The following DBNL variants were observed in gnomAD, a reference collection of about 807,000 sequenced individuals.
The protein encoded by DBNL is drebrin like.
A neutral mutation model predicts 62.2 loss-of-function variants in DBNL; 35 were observed. The observed-to-expected ratio is 0.56, with a 90% CI of 0.43 to 0.75. DBNL has a LOEUF of 0.75. Ranked by LOEUF, DBNL falls within the 30% of genes least tolerant of loss-of-function variation. The probability of loss-of-function intolerance (pLI) is 0.00; values close to 1 mark genes in which losing one functional copy is unlikely to be tolerated. For missense variants in DBNL, 495 were observed against 578.4 expected (o/e 0.86, Z 1.48); for synonymous variants, 197 against 218.0 (o/e 0.90, Z 0.85).
At chr7:44,054,283 C>G (rs1424925507) in intron 4 of DBNL, among the ~76,000 whole-genome samples, 8 of 152,128 alleles carry the variant, frequency 5.3e-5, no homozygotes, top group Admixed American at 3.3e-4. Context: ...ACCTCTGCCT[C>G]CCAGGTTCAA....
intron 5 of DBNL, 34 bp from the exon 6 acceptor site, chr7:44,057,748 G>T (rs1467428001): frequency 3.1e-6 from 5 of 1,612,882 alleles, no homozygotes; most frequent in East Asian, 2.2e-5. Flanking sequence ...CTTCCACCTG[G>T]GTCCAGGTCT....
At chr7:44,044,842 G>C in intron 1 of DBNL, 22 bp downstream of exon 1, 22 of 1,450,168 alleles carry the variant, frequency 1.5e-5, no homozygotes, top group Non-Finnish European at 1.9e-5. Context: ...GACGGGCCAG[G>C]GTCGGGCCAG....
rs1378518506 is a variant in DBNL at position 44,061,793 on chromosome 7, A to C, written c.*877A>C. On this transcript the variant is annotated 3_prime_UTR_variant, in exon 13 of 13. Coordinates refer to ENST00000448521, the MANE Select transcript of DBNL (RefSeq NM_001014436.3). ...CTGAATGCTCCCATGTGGGAATAGC[A>C]CCCCACCACCTGCCCAGTGTCTGCC... The C allele has an allele frequency of 6.6e-6, 1 of 152,268 alleles. No individual in the cohort carries two copies. Among genetic ancestry groups the C allele is most frequent in the East Asian group, 1.9e-4 (1 of 5,190 alleles). 9.4% of individuals were successfully genotyped at this position (152,268 alleles called of 1,614,324 possible).
chr7:44,056,957 G>A (rs2096137575), intron 5 of DBNL, 54 bp downstream of exon 5: 1 of 1,608,614 alleles, frequency 6.2e-7, no homozygotes, highest in Non-Finnish European at 8.5e-7. Context: ...CCTGAGGCAG[G>A]GGGCCAGGAA....
rs1562662725 is a variant in DBNL, at chr7:44,068,441, G to A, written c.*7525G>A. On this transcript the variant is annotated 3_prime_UTR_variant, in exon 13 of 13. Coordinates refer to ENST00000448521, the MANE Select transcript of DBNL (RefSeq NM_001014436.3). ...TGCAGGTCCCAGACTGACCGGTGTA[G>A]ATACAGGACTAATATGACTAGTAGT... The A allele has an allele frequency of 6.6e-6, 1 of 152,234 alleles. No individual in the cohort carries two copies. Among genetic ancestry groups the A allele is most frequent in the Non-Finnish European group, 1.5e-5 (1 of 68,046 alleles). 9.4% of individuals were successfully genotyped at this position (152,234 alleles called of 1,614,324 possible).
chr7:44,063,438 C>A lies in DBNL; in HGVS notation c.*2522C>A, dbSNP rs2128795729. 1.1e-5 allele frequency: 2 copies of A among 188,412 alleles called. No individual in the cohort carries two copies. The highest frequency in any genetic ancestry group is 1.9e-4 in the South Asian group (2 of 10,488). The allele number at this position is 188,412 out of a possible 1,614,324, so 11.7% of individuals were successfully genotyped here. On this transcript the variant is annotated 3_prime_UTR_variant, in exon 13 of 13. Coordinates refer to ENST00000448521, the MANE Select transcript of DBNL (RefSeq NM_001014436.3). ...CTGGGATTACAGGTGAGCGCCACCACACCCGGCTAATTTTGTATTTTTAGT... is the reference window on the plus strand; with the variant it reads ...CTGGGATTACAGGTGAGCGCCACCAAACCCGGCTAATTTTGTATTTTTAGT...
rs997229726 is a variant in DBNL, at chr7:44,064,939, G to A, written c.*4023G>A. 2 of 1,609,956 alleles carry A rather than the reference G, an allele frequency of 1.2e-6. No individual in the cohort carries two copies. Among genetic ancestry groups the A allele is most frequent in the Admixed American group, 1.7e-5 (1 of 59,884 alleles). On this transcript the variant is annotated 3_prime_UTR_variant, in exon 13 of 13. Coordinates refer to ENST00000448521, the MANE Select transcript of DBNL (RefSeq NM_001014436.3). ...AATCTCCTCGTTCCAGAAGGGCAGG[G>A]CCCGGGCAATGGTGTCCTTGAGGCT... is the stretch of plus-strand genomic sequence containing the variant.
intron 1 of DBNL, among the ~76,000 whole-genome samples, chr7:44,045,485 A>G (rs1036459878): frequency 6.6e-6 from 1 of 152,230 alleles, no homozygotes; most frequent in African/African-American, 2.4e-5. Context: ...TTTTCCCTCT[A>G]CCACCCAAGA....
In DBNL at chr7:44,067,939, C is replaced by G. The variant is rs1476873750; in HGVS notation, c.*7023C>G. The G allele has an allele frequency of 6.6e-6, 1 of 152,232 alleles. No homozygotes were observed. The highest frequency in any genetic ancestry group is 1.9e-4 in the East Asian group (1 of 5,200). 9.4% of individuals were successfully genotyped at this position (152,232 alleles called of 1,614,324 possible). Reference sequence around the variant, plus strand: ...ACCTCAAGTGCACCAACAGAAAGAGCTCCAGGAAGAATCAGAGGAGTGGGA... The same window carrying G: ...ACCTCAAGTGCACCAACAGAAAGAGGTCCAGGAAGAATCAGAGGAGTGGGA... On this transcript the variant is annotated 3_prime_UTR_variant, in exon 13 of 13. Coordinates refer to ENST00000448521, the MANE Select transcript of DBNL (RefSeq NM_001014436.3).
intron 4 of DBNL, among the ~76,000 whole-genome samples, chr7:44,053,763 G>A (rs2096130617): frequency 6.6e-6 from 1 of 150,438 alleles, no homozygotes; most frequent in South Asian, 2.1e-4. Flanking sequence ...TGCAAGCTCC[G>A]CCTCCCGGGT....
chr7:44,059,677 G>C lies in DBNL; in HGVS notation c.1047+19G>C. ...CCCACTGGTGGGTTCCTACACTGGG[G>C]CTGGGGCCAGGAAGGGGCTGCATAC... On this transcript the variant is annotated intron_variant, in intron 11 of 12. Coordinates refer to ENST00000448521, the MANE Select transcript of DBNL (RefSeq NM_001014436.3). This position sits in a 1 kb window ranked among gnomAD's most constrained non-coding sequence, Gnocchi z 4.1. 1 of 1,581,204 alleles carries C rather than the reference G, an allele frequency of 6.3e-7. No homozygotes were observed. Among genetic ancestry groups the C allele is most frequent in the Non-Finnish European group, 8.6e-7 (1 of 1,169,420 alleles).
In DBNL at chr7:44,050,263, G is replaced by A. The variant is rs759801390; in HGVS notation, c.122G>A (p.Arg41His). 2.9e-5 allele frequency: 47 copies of A among 1,613,578 alleles called. No individual in the cohort carries two copies. The highest frequency in any genetic ancestry group is 3.8e-5 in the Non-Finnish European group (45 of 1,179,718). ...TATGAAGGCAACAGCAATGACATCC[G>A]CGTGGCTGGCACAGGGGGTGAGTAT... Reference protein sequence around the residue: ...FTYEGNSNDIRVAGTGEGGLE... With the variant: ...FTYEGNSNDIHVAGTGEGGLE... The change falls in exon 2 of 13, where the codon CGC becomes CAC. Residue 41 changes from arginine to histidine, a missense_variant. Transcript: ENST00000448521.
In DBNL at chr7:44,065,217, C is replaced by T. The variant is rs368364851; in HGVS notation, c.*4301C>T. On this transcript the variant is annotated 3_prime_UTR_variant, in exon 13 of 13. Coordinates refer to ENST00000448521, the MANE Select transcript of DBNL (RefSeq NM_001014436.3). The stretch of plus-strand genomic sequence containing the variant: ...TTCACCTGCTCCTCCCCGTGCTTGG[C>T]GGCCGTTTCTGCCTTGTTGAGGCCT... The T allele has an allele frequency of 8.1e-6, 13 of 1,613,828 alleles. No homozygotes were observed. Among genetic ancestry groups the T allele is most frequent in the East Asian group, 4.5e-5 (2 of 44,888 alleles).
In DBNL at chr7:44,060,630, C is replaced by G; in HGVS notation, c.1154-147C>G. On this transcript the variant is annotated intron_variant, in intron 12 of 12. Coordinates refer to ENST00000448521, the MANE Select transcript of DBNL (RefSeq NM_001014436.3). This position sits in a 1 kb window ranked among gnomAD's most constrained non-coding sequence, Gnocchi z 6.3. Reference sequence around the variant, plus strand: ...GGACAGGGTGCAGTGTTGGCCAAGGCTTAGCAGGGTGGCAGGGATATTTCT... The same window carrying G: ...GGACAGGGTGCAGTGTTGGCCAAGGGTTAGCAGGGTGGCAGGGATATTTCT... 1 of 1,226,916 alleles carries G rather than the reference C, an allele frequency of 8.2e-7. No homozygotes were observed. The highest frequency in any genetic ancestry group is 1.5e-5 in the African/African-American group (1 of 66,690). The allele number at this position is 1,226,916 out of a possible 1,614,324, so 76.0% of individuals were successfully genotyped here.
Position 44,062,592 on chromosome 7 carries a change from G to C in DBNL, c.*1676G>C, listed in dbSNP as rs1378965816. The C allele has an allele frequency of 4.1e-5, 27 of 662,762 alleles. No homozygotes were observed. The East Asian group carries it at 7.4e-4, about 18-fold the overall frequency. 41.1% of individuals were successfully genotyped at this position (662,762 alleles called of 1,614,324 possible). A position where few individuals can be genotyped will look rare whatever the true frequency, so the allele number is the denominator to read the frequency against. ...TGGCTCAGTGTCCTGATGACTAGGT[G>C]TGGGTACTAGGCTCCTGCCCCTGGT... is the stretch of plus-strand genomic sequence containing the variant. On this transcript the variant is annotated 3_prime_UTR_variant, in exon 13 of 13. Coordinates refer to ENST00000448521, the MANE Select transcript of DBNL (RefSeq NM_001014436.3).
rs1210472340 is a variant in DBNL, at chr7:44,067,839, G to A, written c.*6923G>A. On this transcript the variant is annotated 3_prime_UTR_variant, in exon 13 of 13. Transcript: ENST00000448521. ...TGTCAGTAGACAGATAAGAAAAGGA[G>A]ATCAGATTCAAAGTTCCGCAGAGAA... The A allele has an allele frequency of 6.6e-6, 1 of 152,240 alleles. No homozygotes were observed. The highest frequency in any genetic ancestry group is 1.5e-5 in the Non-Finnish European group (1 of 68,078). The allele number at this position is 152,240 out of a possible 1,614,324, so 9.4% of individuals were successfully genotyped here.
At chr7:44,057,058 C>G (rs1336840741) in intron 5 of DBNL, among the ~76,000 whole-genome samples, 155 bp downstream of exon 5, 1 of 152,234 alleles carries the variant, frequency 6.6e-6, no homozygotes, top group Non-Finnish European at 1.5e-5. Context: ...TGCCCACTGA[C>G]CAGATGAGCA....
chr7:44,068,384 A>G lies in DBNL; in HGVS notation c.*7468A>G, dbSNP rs538350226. 1 of 152,396 alleles carries G rather than the reference A, an allele frequency of 6.6e-6. No homozygotes were observed. The highest frequency in any genetic ancestry group is 2.4e-5 in the African/African-American group (1 of 41,584). The allele number at this position is 152,396 out of a possible 1,614,324, so 9.4% of individuals were successfully genotyped here. ...ATGTGAAGTCATTGGCTTGCTGCCA[A>G]GCTGCGCACAGGGCTGACCCTAGAT... On this transcript the variant is annotated 3_prime_UTR_variant, in exon 13 of 13. Coordinates refer to ENST00000448521, the MANE Select transcript of DBNL (RefSeq NM_001014436.3).
At chr7:44,053,435 G>A (rs2128791581) in intron 4 of DBNL, among the ~76,000 whole-genome samples, 1 of 152,230 alleles carries the variant, frequency 6.6e-6, no homozygotes, top group Middle Eastern at 3.4e-3. Flanking sequence ...CACTTGTCAG[G>A]TAACTTTTTG....
Sources: allele counts gnomAD v4.1 joint callset (sites outside exome capture counted in the v4.1 genomes callset), GRCh38; gene constraint gnomAD v4.1.1; non-coding constraint Gnocchi (gnomAD v3.1); transcripts MANE v1.5; gene names NCBI Gene and HGNC (gene_info 2026-07-23, HGNC 2026-07-21).